The following SH3RF2 variants were observed in gnomAD, a reference collection of about 807,000 sequenced individuals.
The protein encoded by SH3RF2 is E3 ubiquitin-protein ligase SH3RF2.
In SH3RF2, 43 loss-of-function variants were observed where a neutral mutation model predicts 59.0. That is an observed-to-expected ratio of 0.73 (90% CI 0.57 to 0.94). SH3RF2 has a LOEUF of 0.94. Ranked by LOEUF, SH3RF2 falls within the 40% of genes least tolerant of loss-of-function variation. SH3RF2 has a pLI of 0.00. For synonymous variants in SH3RF2, 391 were observed against 391.5 expected (o/e 1.00, Z 0.01); for missense variants, 930 against 940.1 (o/e 0.99, Z 0.14).
intron 5 of SH3RF2, among the ~76,000 whole-genome samples, chr5:146,014,266 A>G (rs1254730639): frequency 6.6e-6 from 1 of 152,196 alleles, no homozygotes; most frequent in Admixed American, 6.5e-5. Flanking sequence ...TATTACTATT[A>G]TCCCCATTTT....
chr5:146,078,430 A>G (rs2150030625), intron 9 of SH3RF2: 1 of 152,328 alleles, frequency 6.6e-6, no homozygotes, highest in South Asian at 2.1e-4. Flanking sequence ...TTCGCACACA[A>G]CAGACTCTGA....
intron 2 of SH3RF2, among the ~76,000 whole-genome samples, chr5:145,968,347 C>T (rs939048033): frequency 6.6e-6 from 1 of 152,100 alleles, no homozygotes; most frequent in African/African-American, 2.4e-5. Flanking sequence ...ATCTCTACGG[C>T]AGAATATTAT....
chr5:145,980,747 A>T (rs1201231219), intron 2 of SH3RF2, among the ~76,000 whole-genome samples: 3 of 152,232 alleles, frequency 2.0e-5, no homozygotes, highest in African/African-American at 7.2e-5. Context: ...TTACACCAAC[A>T]TTAGGATTAC....
At position 145,961,221 on chromosome 5, in the gene SH3RF2, T is replaced by C. The variant is rs981881658; in HGVS notation, c.378+22915T>C. Among the ~76,000 whole-genome samples, 17 of 139,526 alleles carry C rather than the reference T, an allele frequency of 1.2e-4. No individual in the cohort carries two copies. In the Admixed American group the frequency reaches 1.3e-3, roughly 10 times the overall value. The allele number at this position is 139,526 out of a possible 152,430, so 91.5% of individuals were successfully genotyped here. The stretch of plus-strand genomic sequence containing the variant: ...TTTGCCTCATGTCAACTCCAAAGAG[T>C]TTGTAGTGGGGGAAAGTTCTGAGGG... On this transcript the variant is annotated intron_variant, in intron 2 of 9. Coordinates refer to ENST00000359120, the MANE Select transcript of SH3RF2 (RefSeq NM_152550.4).
intron 2 of SH3RF2, among the ~76,000 whole-genome samples, chr5:145,978,652 G>A (rs1464861332): frequency 6.6e-6 from 1 of 150,436 alleles, no homozygotes; most frequent in Non-Finnish European, 1.5e-5. Context: ...CAATATTTAG[G>A]AGGCAGGAGT....
intron 5 of SH3RF2, among the ~76,000 whole-genome samples, chr5:146,030,838 A>G (rs1248977400): frequency 6.6e-6 from 1 of 152,172 alleles, no homozygotes. Flanking sequence ...TTCATTGTCC[A>G]AAAATAAAGT....
In SH3RF2 at chr5:146,055,992, GT is replaced by G; in HGVS notation, c.1338del (p.Pro447GlnfsTer45). ...YVIPIFRKTS[S>X]FPDSRSPGLY... ...TTTTCCAAAACCAGAAAGACCTCTAGTTTTCCAGACTCCCGGAGCCCTGGTC... is the reference window on the plus strand; with the variant it reads ...TTTTCCAAAACCAGAAAGACCTCTAGTTTCCAGACTCCCGGAGCCCTGGTC... On this transcript the variant is annotated frameshift_variant, in exon 8 of 10. Transcript: ENST00000359120. LOFTEE classifies it high-confidence loss of function. The G allele has an allele frequency of 6.2e-7, 1 of 1,611,672 alleles. No individual in the cohort carries two copies. The highest frequency in any genetic ancestry group is 8.5e-7 in the Non-Finnish European group (1 of 1,179,082).
downstream of SH3RF2, among the ~76,000 whole-genome samples, chr5:146,064,796 G>A (rs1271843773): frequency 1.1e-4 from 4 of 35,478 alleles, no homozygotes; most frequent in African/African-American, 3.9e-4. Flanking sequence ...AGGAAGGAAG[G>A]AAGGAAGGAA....
chr5:145,973,622 A>G (rs759181469), intron 2 of SH3RF2, among the ~76,000 whole-genome samples: 1 of 152,198 alleles, frequency 6.6e-6, no homozygotes, highest in South Asian at 2.1e-4. Context: ...CAGCTTCCCT[A>G]TGTCTTTCTC....
chr5:145,950,950 T>C (rs1355854219), intron 2 of SH3RF2, among the ~76,000 whole-genome samples: 3 of 152,204 alleles, frequency 2.0e-5, no homozygotes, highest in Admixed American at 6.5e-5. Flanking sequence ...TAATAAATCT[T>C]AGCCTTACTA....
chr5:145,953,950 A>G (rs187573395), intron 2 of SH3RF2, among the ~76,000 whole-genome samples: 78 of 152,208 alleles, frequency 5.1e-4, no homozygotes, highest in Non-Finnish European at 8.5e-4. Flanking sequence ...TCTTTATCCA[A>G]TCTGTCATTG....
intron 9 of SH3RF2, among the ~76,000 whole-genome samples, chr5:146,076,375 G>A (rs1306086480): frequency 2.0e-5 from 3 of 152,240 alleles, no homozygotes; most frequent in Non-Finnish European, 4.4e-5. Context: ...TGGACACCCA[G>A]CATCAGCACT....
At chr5:146,066,408 CTAT>C (rs1763107491), downstream of SH3RF2, among the ~76,000 whole-genome samples, 1 of 152,166 alleles carries the variant, frequency 6.6e-6, no homozygotes, top group Non-Finnish European at 1.5e-5. Context: ...CCTCAATGGG[CTAT>C]TATGAGGATT....
At chr5:146,010,177 C>T (rs1188365009) in intron 4 of SH3RF2, among the ~76,000 whole-genome samples, 1 of 152,146 alleles carries the variant, frequency 6.6e-6, no homozygotes, top group East Asian at 1.9e-4. Context: ...TGGTTTCCAG[C>T]TTCATCCATG....
At chr5:146,069,489 T>TTGCTGC (rs56297729) in intron 9 of SH3RF2, among the ~76,000 whole-genome samples, 8,174 of 151,296 alleles carry the variant, frequency 0.054, 701 homozygotes, top group African/African-American at 0.18. Flanking sequence ...AAATGAGATC[T>TTGCTGC]TGCTGCTGCT....
rs373664258 is a variant in SH3RF2, at chr5:146,060,044, G to T, written c.1734G>T (p.Gly578=). ...VEMGSKPALT[G]EPALTCISRG... ...TGGGGTCCAAGCCTGCCCTCACGGG[G>T]GAGCCCGCCCTCACGTGCATCAGCA... Residue 578 remains glycine (G), a synonymous_variant, in exon 9 of 10, where the codon GGG becomes GGT. Transcript: ENST00000359120. 6.2e-7 allele frequency: 1 copy of T among 1,612,882 alleles called. No individual in the cohort carries two copies. Among genetic ancestry groups the T allele is most frequent in the African/African-American group, 1.3e-5 (1 of 74,866 alleles).
intron 9 of SH3RF2, among the ~76,000 whole-genome samples, chr5:146,073,953 C>T (rs1328532932): frequency 6.6e-6 from 1 of 151,654 alleles, no homozygotes; most frequent in Non-Finnish European, 1.5e-5. Context: ...GAACCAGACA[C>T]GCAGCATAGT....
At chr5:146,019,726 C>A (rs1351001194) in intron 5 of SH3RF2, among the ~76,000 whole-genome samples, 3 of 152,160 alleles carry the variant, frequency 2.0e-5, no homozygotes, top group African/African-American at 7.2e-5. Context: ...TTCTTCCAAT[C>A]TATGAACATG....
chr5:146,020,738 T>C (rs978524112), intron 5 of SH3RF2, among the ~76,000 whole-genome samples: 1 of 152,194 alleles, frequency 6.6e-6, no homozygotes, highest in African/African-American at 2.4e-5. Flanking sequence ...TGTTCACTTA[T>C]GTGCTCTTGA....
Sources: allele counts gnomAD v4.1 joint callset (sites outside exome capture counted in the v4.1 genomes callset), GRCh38; gene constraint gnomAD v4.1.1; transcripts MANE v1.5; gene names NCBI Gene and HGNC (gene_info 2026-07-23, HGNC 2026-07-21).